TTLL5: variants seen among roughly 807,000 people sequenced by gnomAD.
The protein encoded by TTLL5 is tubulin polyglutamylase TTLL5.
TTLL5 carries 132 observed loss-of-function variants against 168.4 expected under a neutral mutation model. The ratio of observed to expected loss-of-function variants is 0.78; its 90% CI spans 0.68 to 0.91. The LOEUF (loss-of-function observed/expected upper bound fraction) is 0.91. TTLL5 is among the 40% of genes least tolerant of loss of function. The pLI, the probability that TTLL5 is intolerant of heterozygous loss-of-function variation, is 0.00. For synonymous variants in TTLL5, 546 were observed against 558.6 expected, an observed-to-expected ratio of 0.98 and a Z score of 0.32; for missense variants, 1,545 against 1,581.5, an observed-to-expected ratio of 0.98 and a Z score of 0.39.
chr14:75,890,870 C>T (rs2032369015), intron 30 of TTLL5, among the ~76,000 whole-genome samples: 2 of 152,166 alleles, frequency 1.3e-5, no homozygotes, highest in Non-Finnish European at 2.9e-5. Flanking sequence ...CAGGCATGCA[C>T]CACCAAGCCC....
At chr14:75,828,510 A>C (rs1895364175) in intron 28 of TTLL5, among the ~76,000 whole-genome samples, 1 of 152,310 alleles carries the variant, frequency 6.6e-6, no homozygotes, top group African/African-American at 2.4e-5. Flanking sequence ...CATATGTGTT[A>C]ATTACTGTTT....
intron 31 of TTLL5, among the ~76,000 whole-genome samples, chr14:75,943,387 C>A (rs2034673210): frequency 6.6e-6 from 1 of 152,190 alleles, no homozygotes; most frequent in Non-Finnish European, 1.5e-5. Flanking sequence ...CTCTCGTCCA[C>A]CCTTCAGTCC....
rs59585511 is a variant in TTLL5 at position 75,804,182 on chromosome 14, G to GA, written c.3171+11092dup. 1.9e-4 allele frequency among the ~76,000 whole-genome samples: 29 copies of GA among 149,932 alleles called. 2 individuals carry two copies. The South Asian group carries it at 2.1e-3, about 11-fold the overall frequency. ...CATTTTTCATTTAGATGGAGAGTGG[G>GA]AAAAAAAAAATCCATTCTATTTCTT... is the stretch of plus-strand genomic sequence containing the variant. On this transcript the variant is annotated intron_variant, in intron 27 of 31. Coordinates refer to ENST00000298832, the MANE Select transcript of TTLL5 (RefSeq NM_015072.5).
intron 28 of TTLL5, among the ~76,000 whole-genome samples, chr14:75,829,253 A>G (rs570804048): frequency 3.3e-5 from 5 of 152,200 alleles, no homozygotes; most frequent in East Asian, 1.9e-4. Flanking sequence ...AGATAATTGC[A>G]CATATATTTG....
intron 29 of TTLL5, among the ~76,000 whole-genome samples, chr14:75,874,937 T>C (rs1165042757): frequency 7.5e-5 from 10 of 133,170 alleles, no homozygotes; most frequent in African/African-American, 2.8e-4. Context: ...GGGGGCCTTT[T>C]TTTTTTTTTT....
At chr14:75,680,965 C>T (rs1367498966) in intron 3 of TTLL5, among the ~76,000 whole-genome samples, 1 of 151,858 alleles carries the variant, frequency 6.6e-6, no homozygotes, top group Non-Finnish European at 1.5e-5. Context: ...ACAATAGATC[C>T]CTTTGGCAGT....
At chr14:75,945,266 A>C (rs2034734748) in intron 31 of TTLL5, among the ~76,000 whole-genome samples, 1 of 148,548 alleles carries the variant, frequency 6.7e-6, no homozygotes, top group Non-Finnish European at 1.5e-5. Context: ...TATAAAAAAA[A>C]ATTTTTTTTG....
intron 31 of TTLL5, among the ~76,000 whole-genome samples, chr14:75,914,574 T>TAAA (rs2033531010): frequency 6.6e-6 from 1 of 151,816 alleles, no homozygotes; most frequent in Non-Finnish European, 1.5e-5. Flanking sequence ...TGCAACATTG[T>TAAA]AAAACTACTT....
At chr14:75,876,633 A>T (rs540917761) in intron 29 of TTLL5, among the ~76,000 whole-genome samples, 1 of 152,186 alleles carries the variant, frequency 6.6e-6, no homozygotes, top group South Asian at 2.1e-4. Flanking sequence ...TCCCATTCCT[A>T]TTGGAGTCGT....
chr14:75,669,182 G>T (rs1367528402), intron 2 of TTLL5, among the ~76,000 whole-genome samples: 2 of 152,130 alleles, frequency 1.3e-5, no homozygotes, highest in African/African-American at 4.8e-5. Flanking sequence ...AATTATACTG[G>T]ATGATGAAGT....
At chr14:75,845,577 G>A (rs977209974) in intron 28 of TTLL5, among the ~76,000 whole-genome samples, 1 of 152,228 alleles carries the variant, frequency 6.6e-6, no homozygotes, top group African/African-American at 2.4e-5. Context: ...GAAGGAAAAG[G>A]GAGCTTAACC....
intron 27 of TTLL5, among the ~76,000 whole-genome samples, chr14:75,806,284 G>A (rs1893649261): frequency 6.6e-6 from 1 of 152,130 alleles, no homozygotes; most frequent in Non-Finnish European, 1.5e-5. Flanking sequence ...GTCCGCTTCA[G>A]CCTTTCAAAG....
intron 31 of TTLL5, among the ~76,000 whole-genome samples, chr14:75,914,180 C>T (rs1435642171): frequency 1.3e-5 from 2 of 151,010 alleles, no homozygotes; most frequent in African/African-American, 4.9e-5. Context: ...TAGAGACCTA[C>T]AATTTATATC....
At position 75,662,329 on chromosome 14, in the gene TTLL5, G is replaced by GT. The variant is rs572439310; in HGVS notation, c.-95-713dup. ...TAAATGTTGGCAGGGGTTTTTTGTT[G>GT]TTTTTTTTTTTTTGAGACGGAGTTC... On this transcript the variant is annotated intron_variant, in intron 1 of 31. Transcript: ENST00000298832. Among the ~76,000 whole-genome samples the GT allele has an allele frequency of 6.8e-3, 960 of 141,680 alleles. 7 individuals are homozygous for GT. The highest frequency in any genetic ancestry group is 0.011 in the African/African-American group (418 of 39,184). The allele number at this position is 141,680 out of a possible 152,430, so 92.9% of individuals were successfully genotyped here. A position where few individuals can be genotyped will look rare whatever the true frequency, so the allele number is the denominator to read the frequency against.
intron 12 of TTLL5, among the ~76,000 whole-genome samples, chr14:75,729,488 A>G (rs1229899028): frequency 6.6e-6 from 1 of 152,208 alleles, no homozygotes; most frequent in Admixed American, 6.5e-5. Context: ...TTGCCTGCCA[A>G]GGACCCAAAT....
rs774802227 is a variant in TTLL5, at chr14:75,720,647, A to G, written c.986A>G (p.Glu329Gly). ...ATCATTAAGACTATAATCTCTGCTG[A>G]ACTAGCTATTGCTACTGCCTGTAAA... ...DLIIKTIISA[E>G]LAIATACKTF... The change falls in exon 12 of 32, where the codon GAA (glutamate) becomes GGA (glycine). Residue 329 changes from glutamate to glycine, a missense_variant. Transcript: ENST00000298832. 3.9e-5 allele frequency: 63 copies of G among 1,613,654 alleles called. No homozygotes were observed. The highest frequency in any genetic ancestry group is 5.3e-5 in the Non-Finnish European group (62 of 1,179,716).
At chr14:75,744,388 C>T (rs1313120129) in intron 15 of TTLL5, 2 of 152,210 alleles carry the variant, frequency 1.3e-5, no homozygotes, top group African/African-American at 2.4e-5. Context: ...TGACCTCCCT[C>T]ATCATCATGT....
At position 75,699,244 on chromosome 14, in the gene TTLL5, G is replaced by C; in HGVS notation, c.559G>C (p.Gly187Arg). The change falls in exon 7 of 32, where the codon GGG becomes CGG. Residue 187 changes from glycine (G) to arginine (R), a missense_variant. By Grantham distance (125) the Gly-to-Arg change is moderately radical. Transcript: ENST00000298832. Reference sequence around the variant, plus strand: ...AGTAAAACCAGTGGCATCTTCAAGGGGGCGGGGCGTCTACCTGATCAACAA... The same window carrying C: ...AGTAAAACCAGTGGCATCTTCAAGGCGGCGGGGCGTCTACCTGATCAACAA... ...WIVKPVASSR[G>R]RGVYLINNPN... The C allele has an allele frequency of 6.2e-7, 1 of 1,613,942 alleles. No homozygotes were observed. The highest frequency in any genetic ancestry group is 1.1e-5 in the South Asian group (1 of 91,074).
chr14:75,926,034 A>T (rs1158845282), intron 31 of TTLL5, among the ~76,000 whole-genome samples: 1 of 148,218 alleles, frequency 6.7e-6, no homozygotes, highest in Non-Finnish European at 1.5e-5. Context: ...TCAGAGGGAG[A>T]CCGGGGAAAG....
Sources: gnomAD v4.1 joint callset for allele counts (sites outside exome capture counted in the v4.1 genomes callset) on GRCh38, gnomAD v4.1.1 for gene constraint, MANE v1.5 for transcripts, NCBI Gene and HGNC (gene_info 2026-07-23, HGNC 2026-07-21) for gene names.